RFTN1: variants seen among roughly 807,000 people sequenced by gnomAD.
RFTN1 encodes raftlin, lipid raft linker 1, also known as raftlin.
In RFTN1, 26 loss-of-function variants were observed where a neutral mutation model predicts 46.5. The ratio of observed to expected loss-of-function variants is 0.56; its 90% confidence interval spans 0.41 to 0.78. The LOEUF (loss-of-function observed/expected upper bound fraction) is 0.78, where lower values mean the gene tolerates loss of function less well. RFTN1 is among the 30% of genes least tolerant of loss of function. The pLI, the probability that RFTN1 is intolerant of heterozygous loss-of-function variation, is 0.00. For synonymous variants in RFTN1, 261 were observed against 284.2 expected (o/e 0.92, Z 0.82); for missense variants, 693 against 718.7 (o/e 0.96, Z 0.41).
rs1251314037 is a variant in RFTN1, at chr3:16,513,670, G to T, written c.-237C>A. 1 of 150,612 alleles carries T rather than the reference G, an allele frequency of 6.6e-6. No homozygotes were observed. Among genetic ancestry groups the T allele is most frequent in the Admixed American group, 6.7e-5 (1 of 15,032 alleles). 9.3% of individuals were successfully genotyped at this position (150,612 alleles called of 1,614,324 possible). On this transcript the variant is annotated 5_prime_UTR_variant, in exon 1 of 10. Transcript: ENST00000334133. The surrounding 1 kb of genome is among the most constrained non-coding windows in gnomAD (Gnocchi z 5.4). ...CGGCCGCCGCGCTCTCGCTCGCTGC[G>T]CCCAGCGCCCGGCGCGCTCCGGCTC...
At chr3:16,419,890 T>C (rs1004284524) in intron 3 of RFTN1, among the ~76,000 whole-genome samples, 1 of 152,108 alleles carries the variant, frequency 6.6e-6, no homozygotes, top group Non-Finnish European at 1.5e-5. Context: ...TTGAAAAAAG[T>C]TTGGTATCTC....
At chr3:16,508,022 A>G (rs2076839060) in intron 1 of RFTN1, among the ~76,000 whole-genome samples, 1 of 152,184 alleles carries the variant, frequency 6.6e-6, no homozygotes, top group Admixed American at 6.5e-5. Flanking sequence ...GAAGTGTGGA[A>G]ACCTCCAATA....
Position 16,479,937 on chromosome 3 carries a change from C to A in RFTN1, c.145+13788G>T, listed in dbSNP as rs2076337919. The stretch of plus-strand genomic sequence containing the variant: ...CACACAGACTCTATTAGGGCTATAC[C>A]CAAGCTGGCCTGGTTTCCAGATATA... On this transcript the variant is annotated intron_variant, in intron 2 of 9. Transcript: ENST00000334133. This position sits in a 1 kb window ranked among gnomAD's most constrained non-coding sequence, Gnocchi z 5.1. 6.6e-6 allele frequency among the ~76,000 whole-genome samples: 1 copy of A among 152,274 alleles called. No homozygotes were observed. Among genetic ancestry groups the A allele is most frequent in the South Asian group, 2.1e-4 (1 of 4,826 alleles).
Position 16,316,651 on chromosome 3 carries a change from A to C in RFTN1, c.*177T>G. 2.8e-6 allele frequency: 2 copies of C among 717,888 alleles called. No individual in the cohort carries two copies. The highest frequency in any genetic ancestry group is 1.7e-5 in the South Asian group (1 of 58,998). The allele number at this position is 717,888 out of a possible 1,614,324, so 44.5% of individuals were successfully genotyped here. ...ACACCTTTCCAGTGGATGTGCAAAAACCAACACTGTCAGGAACCTGGCCCT... is the reference window on the plus strand; with the variant it reads ...ACACCTTTCCAGTGGATGTGCAAAACCCAACACTGTCAGGAACCTGGCCCT... On this transcript the variant is annotated 3_prime_UTR_variant, in exon 10 of 10. Transcript: ENST00000334133. This position sits in a 1 kb window ranked among gnomAD's most constrained non-coding sequence, Gnocchi z 4.5.
intron 6 of RFTN1, among the ~76,000 whole-genome samples, chr3:16,363,331 T>C (rs1197833398): frequency 6.6e-6 from 1 of 152,196 alleles, no homozygotes; most frequent in Non-Finnish European, 1.5e-5. Context: ...TAAACTGCCC[T>C]CCGTCTATGG....
At chr3:16,359,398 C>T (rs1179354418) in intron 6 of RFTN1, among the ~76,000 whole-genome samples, 3 of 152,192 alleles carry the variant, frequency 2.0e-5, no homozygotes, top group Admixed American at 1.3e-4. Flanking sequence ...TATTTGGAGA[C>T]AGAGCCTTTA....
chr3:16,434,086 C>T (rs367742239), intron 2 of RFTN1, 49 bp from the exon 3 acceptor site: 208 of 1,473,222 alleles, frequency 1.4e-4, no homozygotes, highest in Non-Finnish European at 1.8e-4. Context: ...ACAACGCCCA[C>T]TCAGCCCTGC....
chr3:16,373,200 G>A (rs1271596546), intron 5 of RFTN1, among the ~76,000 whole-genome samples: 1 of 152,218 alleles, frequency 6.6e-6, no homozygotes, highest in Non-Finnish European at 1.5e-5. Flanking sequence ...AAGGGATAGG[G>A]AAGGCATTGT....
chr3:16,405,061 A>G (rs1208710649), intron 4 of RFTN1, among the ~76,000 whole-genome samples: 1 of 152,132 alleles, frequency 6.6e-6, no homozygotes, highest in Non-Finnish European at 1.5e-5. Context: ...AGACGCTCTC[A>G]TGAATGAACA....
intron 3 of RFTN1, among the ~76,000 whole-genome samples, chr3:16,430,106 T>G (rs1409245250): frequency 2.6e-5 from 4 of 151,922 alleles, no homozygotes; most frequent in South Asian, 2.1e-4. Flanking sequence ...AAAAGTCCGT[T>G]TTTTTTTTGT....
chr3:16,493,732 CAGAGTCGTG>C lies in RFTN1; in HGVS notation c.129_137del (p.Phe43_Thr45del). The C allele has an allele frequency of 6.2e-7, 1 of 1,607,120 alleles. No individual in the cohort carries two copies. The highest frequency in any genetic ancestry group is 8.5e-7 in the Non-Finnish European group (1 of 1,176,096). On this transcript the variant is annotated inframe_deletion, in exon 2 of 10. Transcript: ENST00000334133. Reference sequence around the variant, plus strand: ...CCCACCCCATGTACTCACCAGCACTCAGAGTCGTGAACTCCAGGAAGCGGTATTCATAGG... The same window carrying C: ...CCCACCCCATGTACTCACCAGCACTCAACTCCAGGAAGCGGTATTCATAGG...
At chr3:16,431,969 C>T (rs573411175) in intron 3 of RFTN1, among the ~76,000 whole-genome samples, 2 of 152,258 alleles carry the variant, frequency 1.3e-5, no homozygotes, top group East Asian at 1.9e-4. Context: ...TGCTGCCATC[C>T]GTGTGACCTT....
In RFTN1 at chr3:16,479,515, C is replaced by A. The variant is rs2076332535; in HGVS notation, c.145+14210G>T. Among the ~76,000 whole-genome samples, 1 of 152,226 alleles carries A rather than the reference C, an allele frequency of 6.6e-6. No homozygotes were observed. Among genetic ancestry groups the A allele is most frequent in the Non-Finnish European group, 1.5e-5 (1 of 68,040 alleles). ...CATCCTTCTCCCCATTCCTTGCACACCTTTACAGCATTATTCCAGCCTGGG... is the reference window on the plus strand; with the variant it reads ...CATCCTTCTCCCCATTCCTTGCACAACTTTACAGCATTATTCCAGCCTGGG... On this transcript the variant is annotated intron_variant, in intron 2 of 9. Transcript: ENST00000334133. This position sits in a 1 kb window ranked among gnomAD's most constrained non-coding sequence, Gnocchi z 5.1.
intron 4 of RFTN1, among the ~76,000 whole-genome samples, chr3:16,408,932 TC>T (rs2125446518): frequency 6.6e-6 from 1 of 152,304 alleles, no homozygotes; most frequent in East Asian, 1.9e-4. Flanking sequence ...AAATATGAAT[TC>T]CCTGCAACTA....
In RFTN1 at chr3:16,429,869, T is replaced by C. The variant is rs2075351276; in HGVS notation, c.332+3982A>G. Among the ~76,000 whole-genome samples the C allele has an allele frequency of 6.6e-6, 1 of 152,226 alleles. No homozygotes were observed. Among genetic ancestry groups the C allele is most frequent in the Admixed American group, 6.5e-5 (1 of 15,284 alleles). The stretch of plus-strand genomic sequence containing the variant: ...TGAAGTTCACTTGGGTCAACAATAA[T>C]CTAGAATGTGTATCTACATCTCTTT... On this transcript the variant is annotated intron_variant, in intron 3 of 9. Transcript: ENST00000334133. This position sits in a 1 kb window ranked among gnomAD's most constrained non-coding sequence, Gnocchi z 6.4.
At chr3:16,493,920 A>G (rs1268277341) in intron 1 of RFTN1, 43 bp from the exon 2 acceptor site, 1 of 1,610,634 alleles carries the variant, frequency 6.2e-7, no homozygotes, top group African/African-American at 1.3e-5. Context: ...TTTTTTTCTG[A>G]GATTTTGTCT....
Position 16,499,963 on chromosome 3 carries a change from T to C in RFTN1, c.-8-6086A>G, listed in dbSNP as rs571346769. On this transcript the variant is annotated intron_variant, in intron 1 of 9. Coordinates refer to ENST00000334133, the MANE Select transcript of RFTN1 (RefSeq NM_015150.2). The surrounding 1 kb of genome is among the most constrained non-coding windows in gnomAD (Gnocchi z 4.9). ...ATGAAAAAATGCTTCTCTTTACACATGTAGGATGTCCAGATACTGCCGCCA... is the reference window on the plus strand; with the variant it reads ...ATGAAAAAATGCTTCTCTTTACACACGTAGGATGTCCAGATACTGCCGCCA... 6.6e-6 allele frequency among the ~76,000 whole-genome samples: 1 copy of C among 152,196 alleles called. No homozygotes were observed. The highest frequency in any genetic ancestry group is 1.5e-5 in the Non-Finnish European group (1 of 68,040).
Position 16,337,727 on chromosome 3 carries a change from C to T in RFTN1, c.1147-10851G>A, listed in dbSNP as rs139210477. Reference sequence around the variant, plus strand: ...ACTGCACTCCAGCCTGGCGACAGAGCGAGACTCCATCTCAAAAAAAAAAAA... The same window carrying T: ...ACTGCACTCCAGCCTGGCGACAGAGTGAGACTCCATCTCAAAAAAAAAAAA... On this transcript the variant is annotated intron_variant, in intron 7 of 9. Coordinates refer to ENST00000334133, the MANE Select transcript of RFTN1 (RefSeq NM_015150.2). This position sits in a 1 kb window ranked among gnomAD's most constrained non-coding sequence, Gnocchi z 5.0. Among the ~76,000 whole-genome samples the T allele has an allele frequency of 1.5e-3, 203 of 137,058 alleles. 1 individual carries two copies. The highest frequency in any genetic ancestry group is 5.7e-3 in the African/African-American group (196 of 34,684). The allele number at this position is 137,058 out of a possible 152,430, so 89.9% of individuals were successfully genotyped here.
At position 16,336,271 on chromosome 3, in the gene RFTN1, CTCTG is replaced by C. The variant is rs2070839182; in HGVS notation, c.1147-9399_1147-9396del. Among the ~76,000 whole-genome samples the C allele has an allele frequency of 1.3e-5, 2 of 152,362 alleles. No homozygotes were observed. Among genetic ancestry groups the C allele is most frequent in the East Asian group, 3.9e-4 (2 of 5,188 alleles). On this transcript the variant is annotated intron_variant, in intron 7 of 9. Transcript: ENST00000334133. The surrounding 1 kb of genome is among the most constrained non-coding windows in gnomAD (Gnocchi z 6.0). ...TGAATCTCACATTCAGTCAGCCTGG[CTCTG>C]TCTGTGCCACTTGGGAAGCCTCTTC...
Sources: allele counts gnomAD v4.1 joint callset (sites outside exome capture counted in the v4.1 genomes callset), GRCh38; gene constraint gnomAD v4.1.1; non-coding constraint Gnocchi (gnomAD v3.1); transcripts MANE v1.5; gene names NCBI Gene and HGNC (gene_info 2026-07-23, HGNC 2026-07-21).